The following SPECC1 variants were observed in gnomAD, a reference collection of about 807,000 sequenced individuals.
SPECC1 encodes sperm antigen with calponin homology and coiled-coil domains 1.
In SPECC1, 62 loss-of-function variants were observed where a neutral mutation model predicts 104.1. The ratio of observed to expected loss-of-function variants is 0.60; its 90% CI spans 0.49 to 0.74. The LOEUF is 0.74. Ranked by LOEUF, SPECC1 falls within the 30% of genes least tolerant of loss-of-function variation. SPECC1 has a pLI of 0.00. For synonymous variants in SPECC1, 513 were observed against 501.6 expected (o/e 1.02, Z -0.30); for missense variants, 1,306 against 1,310.5 (o/e 1.00, Z 0.05).
intron 7 of SPECC1, chr17:20,238,796 T>C: frequency 9.6e-7 from 1 of 1,045,524 alleles, no homozygotes; most frequent in Non-Finnish European, 1.2e-6. Flanking sequence ...CACTGCTGTA[T>C]TTGCACCCTA....
chr17:20,139,486 G>A (rs1648494301), intron 3 of SPECC1, among the ~76,000 whole-genome samples: 1 of 152,118 alleles, frequency 6.6e-6, no homozygotes, highest in Non-Finnish European at 1.5e-5. Context: ...TTCTCAACAT[G>A]TCTTAACCAA....
chr17:20,032,455 ATTCTTTT>A (rs1268604097), intron 1 of SPECC1, among the ~76,000 whole-genome samples: 5 of 151,748 alleles, frequency 3.3e-5, no homozygotes, highest in African/African-American at 1.2e-4. Context: ...ATTTTTCTTC[ATTCTTTT>A]TTCTTTTTAT....
intron 2 of SPECC1, among the ~76,000 whole-genome samples, chr17:20,098,058 T>C (rs954345065): frequency 2.0e-5 from 3 of 152,158 alleles, no homozygotes; most frequent in Admixed American, 1.3e-4. Context: ...ACACTCTAAG[T>C]GGATAACGTC....
At chr17:20,042,678 C>G (rs1045865545) in intron 1 of SPECC1, among the ~76,000 whole-genome samples, 1 of 152,210 alleles carries the variant, frequency 6.6e-6, no homozygotes, top group Non-Finnish European at 1.5e-5. Context: ...TGTGTTCCAT[C>G]TCATTAGACT....
chr17:20,018,531 C>T (rs2044239862), intron 1 of SPECC1, among the ~76,000 whole-genome samples: 1 of 152,242 alleles, frequency 6.6e-6, no homozygotes. Context: ...GCTGAGATTA[C>T]CGGCATGGGC....
In SPECC1 at chr17:20,212,218, T is replaced by G. The variant is rs182889582; in HGVS notation, c.1863+6306T>G. ...TAATTCAACTTTAGGCCAATAAGAA[T>G]GAACTATGGATGATTATCAGCAGTG... On this transcript the variant is annotated intron_variant, in intron 4 of 14. Transcript: ENST00000395527. Among the ~76,000 whole-genome samples, 32 of 152,276 alleles carry G rather than the reference T, an allele frequency of 2.1e-4. No homozygotes were observed. In the East Asian group the frequency reaches 6.2e-3, roughly 29 times the overall value.
At chr17:20,098,889 C>T (rs184247852) in intron 2 of SPECC1, among the ~76,000 whole-genome samples, 87 of 152,270 alleles carry the variant, frequency 5.7e-4, no homozygotes, top group Non-Finnish European at 1.0e-3. Flanking sequence ...TCGGCTCTGT[C>T]CCTAGTGCTT....
chr17:20,055,264 CTT>C (rs34705944), intron 1 of SPECC1, among the ~76,000 whole-genome samples: 43 of 148,176 alleles, frequency 2.9e-4, no homozygotes, highest in Non-Finnish European at 3.7e-4. Flanking sequence ...ATAGAATTTC[CTT>C]TTTTTTTTTT....
intron 7 of SPECC1, chr17:20,237,228 A>G (rs6587060): frequency 0.2 from 249,026 of 1,243,420 alleles, 27,108 homozygotes; most frequent in African/African-American, 0.42. Flanking sequence ...TGAAAAGGGC[A>G]CAGTGGCAGA....
chr17:20,197,270 A>C (rs2036098901), intron 3 of SPECC1, among the ~76,000 whole-genome samples: 1 of 152,208 alleles, frequency 6.6e-6, no homozygotes, highest in Non-Finnish European at 1.5e-5. Context: ...CTCTTTAACA[A>C]AGTCTTTTTA....
At chr17:20,131,665 T>C (rs2049640837) in intron 3 of SPECC1, among the ~76,000 whole-genome samples, 1 of 150,838 alleles carries the variant, frequency 6.6e-6, no homozygotes, top group Admixed American at 6.6e-5. Context: ...TTTTGCTTTT[T>C]TGAAGATGGA....
chr17:20,232,409 A>T lies in SPECC1; in HGVS notation c.2351+4A>T. On this transcript the variant is annotated splice_donor_region_variant and intron_variant, in intron 7 of 14. Coordinates refer to ENST00000395527, the MANE Select transcript of SPECC1 (RefSeq NM_001243439.2). ...TCACCAGCAGAGCCGCCCCTCCGTG[A>T]GTCTGGTGGGCACCAGGGCCGTGCT... 6.2e-7 allele frequency: 1 copy of T among 1,602,890 alleles called. No individual in the cohort carries two copies. Among genetic ancestry groups the T allele is most frequent in the Non-Finnish European group, 8.5e-7 (1 of 1,174,594 alleles).
At chr17:20,275,818 T>C (rs981873643) in intron 12 of SPECC1, among the ~76,000 whole-genome samples, 1 of 152,176 alleles carries the variant, frequency 6.6e-6, no homozygotes, top group Non-Finnish European at 1.5e-5. Flanking sequence ...CCTGTCCCCA[T>C]GTGGCCACTT....
chr17:20,193,756 C>G (rs555220085), intron 3 of SPECC1, among the ~76,000 whole-genome samples: 1 of 152,170 alleles, frequency 6.6e-6, no homozygotes, highest in African/African-American at 2.4e-5. Flanking sequence ...TCCAAGTAAA[C>G]TAAATTAGAA....
chr17:20,309,981 C>A (rs1382110177), intron 14 of SPECC1, among the ~76,000 whole-genome samples: 1 of 149,576 alleles, frequency 6.7e-6, no homozygotes, highest in East Asian at 2.0e-4. Flanking sequence ...CCATGCCCAG[C>A]TAATTTTTTG....
At chr17:20,218,120 G>A (rs941152548) in intron 4 of SPECC1, among the ~76,000 whole-genome samples, 3 of 152,316 alleles carry the variant, frequency 2.0e-5, no homozygotes, top group Admixed American at 2.0e-4. Flanking sequence ...TTCATGTATT[G>A]TGATTTTTCT....
intron 3 of SPECC1, among the ~76,000 whole-genome samples, chr17:20,197,535 A>G (rs575826678): frequency 9.2e-5 from 14 of 152,220 alleles, no homozygotes; most frequent in Non-Finnish European, 1.8e-4. Flanking sequence ...GAAGGAATTT[A>G]GAGTAGTTAA....
At chr17:20,208,405 A>G (rs1041479214) in intron 4 of SPECC1, among the ~76,000 whole-genome samples, 1 of 152,252 alleles carries the variant, frequency 6.6e-6, no homozygotes, top group African/African-American at 2.4e-5. Context: ...ACATTACTGT[A>G]GAAAAAGCAA....
At chr17:20,092,587 C>T (rs1466970459) in intron 1 of SPECC1, among the ~76,000 whole-genome samples, 1 of 152,162 alleles carries the variant, frequency 6.6e-6, no homozygotes, top group African/African-American at 2.4e-5. Context: ...ATATGTCTGT[C>T]TGCCTCCTGC....
Sources: allele counts gnomAD v4.1 joint callset (sites outside exome capture counted in the v4.1 genomes callset), GRCh38; gene constraint gnomAD v4.1.1; transcripts MANE v1.5; gene names NCBI Gene and HGNC (gene_info 2026-07-23, HGNC 2026-07-21).